Variants in RASAL1 observed in about 807,000 individuals in gnomAD.
RASAL1 encodes RAS protein activator like 1, also known as rasGAP-activating-like protein 1.
In RASAL1, 72 loss-of-function variants were observed where a neutral mutation model predicts 96.6. The observed-to-expected ratio is 0.75, with a 90% CI of 0.62 to 0.91. The LOEUF (loss-of-function observed/expected upper bound fraction) is 0.91, where lower values mean the gene tolerates loss of function less well. RASAL1 is among the 40% of genes least tolerant of loss of function. The probability of loss-of-function intolerance (pLI) is 0.00; values close to 1 mark genes in which losing one functional copy is unlikely to be tolerated. For synonymous variants in RASAL1, 405 were observed against 430.4 expected (o/e 0.94, Z 0.73); for missense variants, 1,016 against 1,072.5 (o/e 0.95, Z 0.74).
chr12:113,121,396 C>T, intron 5 of RASAL1, 113 bp downstream of exon 5: 1 of 1,506,342 alleles, frequency 6.6e-7, no homozygotes, highest in East Asian at 2.3e-5. Flanking sequence ...TGACTGCCAG[C>T]CCAGAAGTGC....
At chr12:113,113,013 C>G (rs929872219) in intron 12 of RASAL1, among the ~76,000 whole-genome samples, 4 of 152,086 alleles carry the variant, frequency 2.6e-5, no homozygotes, top group Admixed American at 6.5e-5. Flanking sequence ...CTGTCTCCCC[C>G]CAGAATAGGG....
chr12:113,112,286 G>T lies in RASAL1; in HGVS notation c.1182-8C>A. The T allele has an allele frequency of 8.0e-7, 1 of 1,254,778 alleles. No individual in the cohort carries two copies. 77.7% of individuals were successfully genotyped at this position (1,254,778 alleles called of 1,614,324 possible). On this transcript the variant is annotated splice_polypyrimidine_tract_variant and splice_region_variant and intron_variant, in intron 12 of 20. Coordinates refer to ENST00000548055, the MANE Select transcript of RASAL1 (RefSeq NM_001301202.2). The stretch of plus-strand genomic sequence containing the variant: ...CCTTTGAAGGAGATCCTCCTGGAGG[G>T]GCCGGCGGAGCAGCTCAGCCTCGGG...
intron 19 of RASAL1, among the ~76,000 whole-genome samples, chr12:113,101,051 T>C (rs1326696602): frequency 6.6e-6 from 1 of 152,204 alleles, no homozygotes; most frequent in Non-Finnish European, 1.5e-5. Flanking sequence ...CAAAGTGCTC[T>C]ACCTGTATTA....
intron 13 of RASAL1, among the ~76,000 whole-genome samples, chr12:113,110,757 A>G (rs993097537): frequency 2.0e-5 from 3 of 152,138 alleles, no homozygotes; most frequent in African/African-American, 7.2e-5. Context: ...TGTCTCTAGA[A>G]AAATAAATAA....
At chr12:113,134,048 C>T (rs1158084711) in intron 1 of RASAL1, among the ~76,000 whole-genome samples, 4 of 152,222 alleles carry the variant, frequency 2.6e-5, no homozygotes, top group African/African-American at 4.8e-5. Context: ...CCTTTCACCA[C>T]CTAGCAGCTG....
chr12:113,116,004 C>A lies in RASAL1; in HGVS notation c.779G>T (p.Arg260Leu). ...CTGGTAGCACTGGGAGGGCAGGACGCGGTCCTCAATCAGGCGTACCTTCAC... is the reference window on the plus strand; with the variant it reads ...CTGGTAGCACTGGGAGGGCAGGACGAGGTCCTCAATCAGGCGTACCTTCAC... ...LRVKVRLIED[R>L]VLPSQCYQPL... The change falls in exon 9 of 21, where the codon CGC becomes CTC. Residue 260 changes from arginine to leucine, a missense_variant. Arg to Leu is a moderately radical substitution (Grantham distance 102). Coordinates refer to ENST00000548055, the MANE Select transcript of RASAL1 (RefSeq NM_001301202.2). 1 of 1,609,910 alleles carries A rather than the reference C, an allele frequency of 6.2e-7. No homozygotes were observed. Among genetic ancestry groups the A allele is most frequent in the South Asian group, 1.1e-5 (1 of 90,496 alleles).
intron 1 of RASAL1, among the ~76,000 whole-genome samples, chr12:113,132,006 G>GT (rs1342664075): frequency 1.6e-5 from 2 of 127,624 alleles, no homozygotes; most frequent in African/African-American, 3.1e-5. Context: ...GAGTCTCACC[G>GT]TATCACCCAG....
chr12:113,135,137 G>A lies in RASAL1; in HGVS notation c.65+261C>T, dbSNP rs1951863775. 6.6e-6 allele frequency among the ~76,000 whole-genome samples: 1 copy of A among 151,708 alleles called. No homozygotes were observed. The highest frequency in any genetic ancestry group is 6.6e-5 in the Admixed American group (1 of 15,230). ...CTTCAGCTCTGGACGACCCCCTTTAGTACATCCCGGGAACAAAGACACCCC... is the reference window on the plus strand; with the variant it reads ...CTTCAGCTCTGGACGACCCCCTTTAATACATCCCGGGAACAAAGACACCCC... On this transcript the variant is annotated intron_variant, in intron 1 of 20. Coordinates refer to ENST00000548055, the MANE Select transcript of RASAL1 (RefSeq NM_001301202.2). This position sits in a 1 kb window ranked among gnomAD's most constrained non-coding sequence, Gnocchi z 5.7.
intron 7 of RASAL1, 121 bp downstream of exon 7, chr12:113,119,007 A>C: frequency 8.0e-7 from 1 of 1,249,846 alleles, no homozygotes; most frequent in Non-Finnish European, 1.1e-6. Context: ...AACCAGGGGA[A>C]CCTGATGAGG....
At chr12:113,125,727 C>T (rs1375113354) in intron 4 of RASAL1, among the ~76,000 whole-genome samples, 1 of 152,208 alleles carries the variant, frequency 6.6e-6, no homozygotes, top group Non-Finnish European at 1.5e-5. Context: ...TGTGTGCACT[C>T]TTTAATTCAC....
intron 2 of RASAL1, 143 bp from the exon 3 acceptor site, chr12:113,128,321 G>C (rs995835291): frequency 5.1e-6 from 3 of 593,610 alleles, no homozygotes; most frequent in Non-Finnish European, 8.9e-6. Context: ...CCCCCCACAT[G>C]AACCCAGTTA....
chr12:113,102,939 C>T (rs1009835140), intron 18 of RASAL1: 10 of 169,248 alleles, frequency 5.9e-5, no homozygotes, highest in Non-Finnish European at 1.0e-4. Flanking sequence ...TCCTTACCCC[C>T]ATCTCCCAGT....
rs1164535042 is a variant in RASAL1 at position 113,116,022 on chromosome 12, A to G, written c.761T>C (p.Val254Ala). The G allele has an allele frequency of 1.9e-6, 3 of 1,603,010 alleles. No homozygotes were observed. The Admixed American group carries it at 5.2e-5, about 28-fold the overall frequency. ...GGNLGALRVK[V>A]RLIEDRVLPS... is the part of the protein sequence containing the mutation. ...CAGGACGCGGTCCTCAATCAGGCGT[A>G]CCTTCACTCGCAGGGCACCCAGGTT... The change falls in exon 9 of 21, where the codon GTA becomes GCA. Residue 254 changes from valine to alanine, a missense_variant. Val to Ala is a moderately conservative substitution (Grantham distance 64). Coordinates refer to ENST00000548055, the MANE Select transcript of RASAL1 (RefSeq NM_001301202.2).
chr12:113,105,980 C>T (rs929106313), intron 15 of RASAL1, 94 bp from the exon 16 acceptor site: 17 of 1,328,820 alleles, frequency 1.3e-5, no homozygotes, highest in Admixed American at 4.1e-5. Flanking sequence ...CCTCAGTGGA[C>T]GGGCATGGTT....
In RASAL1 at chr12:113,135,496, CG is replaced by C. The variant is rs1951881620; in HGVS notation, c.-35del. ...GCCACAAACTTTCCAGGCAGAAGGG[CG>C]CTCAGGTTCCGAGGCTGGACCAGGG... On this transcript the variant is annotated 5_prime_UTR_variant, in exon 1 of 21. Coordinates refer to ENST00000548055, the MANE Select transcript of RASAL1 (RefSeq NM_001301202.2). The surrounding 1 kb of genome is among the most constrained non-coding windows in gnomAD (Gnocchi z 5.7). The C allele has an allele frequency of 1.3e-6, 2 of 1,568,542 alleles. No homozygotes were observed. Among genetic ancestry groups the C allele is most frequent in the African/African-American group, 2.7e-5 (2 of 73,648 alleles).
chr12:113,123,862 C>A (rs556302348), intron 4 of RASAL1, among the ~76,000 whole-genome samples: 9 of 152,044 alleles, frequency 5.9e-5, no homozygotes, highest in African/African-American at 1.7e-4. Flanking sequence ...GGATTACACA[C>A]GTGAGCTATT....
chr12:113,100,126 C>T, intron 20 of RASAL1, 58 bp from the exon 21 acceptor site: 1 of 1,492,114 alleles, frequency 6.7e-7, no homozygotes, highest in Non-Finnish European at 9.0e-7. Flanking sequence ...GCTGCTGTAA[C>T]CCGGACCCAA....
intron 13 of RASAL1, among the ~76,000 whole-genome samples, chr12:113,111,871 A>G (rs1262058904): frequency 6.6e-6 from 1 of 152,102 alleles, no homozygotes; most frequent in African/African-American, 2.4e-5. Context: ...AAGTGCTGGG[A>G]TTACAGGCGT....
Position 113,108,148 on chromosome 12 carries a change from C to T in RASAL1, c.1449G>A (p.Leu483=). The change falls in exon 14 of 21, where the codon CTG becomes CTA. Residue 483 remains leucine (L), a synonymous_variant. Coordinates refer to ENST00000548055, the MANE Select transcript of RASAL1 (RefSeq NM_001301202.2). ...FFAPAILTPK[L]FDLRDQHADP... ...CCGCGTGTTGGTCCCGAAGGTCAAA[C>T]AGCTTTGGGGTAAGGATGGCAGGTG... is the stretch of plus-strand genomic sequence containing the variant. 2 of 1,613,772 alleles carry T rather than the reference C, an allele frequency of 1.2e-6. No homozygotes were observed. The highest frequency in any genetic ancestry group is 1.7e-6 in the Non-Finnish European group (2 of 1,179,894).
Sources: gnomAD v4.1 joint callset for allele counts (sites outside exome capture counted in the v4.1 genomes callset) on GRCh38, gnomAD v4.1.1 for gene constraint, Gnocchi (gnomAD v3.1) non-coding constraint, MANE v1.5 for transcripts, NCBI Gene and HGNC (gene_info 2026-07-23, HGNC 2026-07-21) for gene names.